The following BBS9 variants were observed in gnomAD, a reference collection of about 807,000 sequenced individuals.
BBS9 encodes protein PTHB1.
Under a neutral mutation model 117.7 loss-of-function variants are expected in BBS9, and 89 were observed. The ratio of observed to expected loss-of-function variants is 0.76; its 90% CI spans 0.64 to 0.90. The LOEUF is 0.90. BBS9 is among the 40% of genes least tolerant of loss of function. The pLI is 0.00. For missense variants in BBS9, 982 were observed against 1,042.2 expected (o/e 0.94, Z 0.80); for synonymous variants, 379 against 370.9 (o/e 1.02, Z -0.25).
At chr7:33,628,343 A>G (rs1366475373) in intron 21 of BBS9, among the ~76,000 whole-genome samples, 1 of 152,248 alleles carries the variant, frequency 6.6e-6, no homozygotes, top group Non-Finnish European at 1.5e-5. Context: ...TGAAAAGGAT[A>G]ACACATCATA....
At chr7:33,394,849 T>C (rs1827674733) in intron 19 of BBS9, among the ~76,000 whole-genome samples, 1 of 152,208 alleles carries the variant, frequency 6.6e-6, no homozygotes, top group Non-Finnish European at 1.5e-5. Context: ...CTTCATTTAA[T>C]ACTTAGAATC....
chr7:33,306,847 A>G (rs1453964546), intron 9 of BBS9, among the ~76,000 whole-genome samples: 1 of 152,184 alleles, frequency 6.6e-6, no homozygotes, highest in Non-Finnish European at 1.5e-5. Flanking sequence ...CTTCAAATTT[A>G]GTATCCCTGT....
At chr7:33,160,688 A>G (rs77345140) in intron 4 of BBS9, among the ~76,000 whole-genome samples, 1,538 of 152,228 alleles carry the variant, frequency 0.01, 29 homozygotes, top group African/African-American at 0.035. Context: ...CCAAGAGTGG[A>G]GGGGCCCTTT....
intron 19 of BBS9, among the ~76,000 whole-genome samples, chr7:33,448,947 G>A (rs921187798): frequency 2.0e-5 from 3 of 152,206 alleles, no homozygotes; most frequent in African/African-American, 7.2e-5. Flanking sequence ...ACAAGAGTAG[G>A]TATTATTACC....
Position 33,242,907 on chromosome 7 carries a change from G to T in BBS9, c.443-14329G>T, listed in dbSNP as rs61176328. The T allele has an allele frequency of 2.3e-5, 12 of 517,830 alleles. No homozygotes were observed. In the East Asian group the frequency reaches 3.3e-4, roughly 14 times the overall value. The allele number at this position is 517,830 out of a possible 1,614,324, so 32.1% of individuals were successfully genotyped here. On this transcript the variant is annotated intron_variant, in intron 5 of 22. Coordinates refer to ENST00000242067, the MANE Select transcript of BBS9 (RefSeq NM_198428.3). ...AGAAACAGTAGGAAGGTTAGAAGAC[G>T]TAGTGTTGAGTTCTGGCCCTGCTAC...
intron 21 of BBS9, among the ~76,000 whole-genome samples, chr7:33,574,416 A>G (rs1858364888): frequency 1.3e-5 from 2 of 152,060 alleles, no homozygotes; most frequent in South Asian, 4.1e-4. Context: ...CAGTCATCCA[A>G]CAAGGTAGAG....
chr7:33,537,975 A>G lies in BBS9; in HGVS notation c.2521+3799A>G, dbSNP rs139628503. Reference sequence around the variant, plus strand: ...TAGGTGATGCTTTGCCTAAGAAATAATATAGATAAGTGACGGCCCATCAGA... The same window carrying G: ...TAGGTGATGCTTTGCCTAAGAAATAGTATAGATAAGTGACGGCCCATCAGA... On this transcript the variant is annotated intron_variant, in intron 21 of 22. Transcript: ENST00000242067. Among the ~76,000 whole-genome samples the G allele has an allele frequency of 7.0e-4, 106 of 152,322 alleles. 4 individuals are homozygous for G. In the East Asian group the frequency reaches 0.012, roughly 17 times the overall value.
chr7:33,358,412 T>C (rs1038795413), intron 16 of BBS9, among the ~76,000 whole-genome samples: 2 of 151,872 alleles, frequency 1.3e-5, no homozygotes, highest in Non-Finnish European at 3.0e-5. Flanking sequence ...TATATTCTTA[T>C]GTCTCTGAAA....
rs1464673021 is a variant in BBS9 at position 33,211,483 on chromosome 7, G to C, written c.442+33892G>C. Among the ~76,000 whole-genome samples, 20 of 93,430 alleles carry C rather than the reference G, an allele frequency of 2.1e-4. 1 individual carries two copies. 61.3% of individuals were successfully genotyped at this position (93,430 alleles called of 152,430 possible). A position where few individuals can be genotyped will look rare whatever the true frequency, so the allele number is the denominator to read the frequency against. ...TAACTTCATTCCCCTGCTTTTTTTT[G>C]TTTATTTTTGATTGTTATTATCCCC... On this transcript the variant is annotated intron_variant, in intron 5 of 22. Coordinates refer to ENST00000242067, the MANE Select transcript of BBS9 (RefSeq NM_198428.3).
chr7:33,404,937 A>G (rs1829642085), intron 19 of BBS9, among the ~76,000 whole-genome samples: 1 of 152,030 alleles, frequency 6.6e-6, no homozygotes, highest in Non-Finnish European at 1.5e-5. Flanking sequence ...TTCAAAGGGA[A>G]TGCTTCCAGT....
chr7:33,131,597 A>G (rs1357264648), intron 1 of BBS9, among the ~76,000 whole-genome samples: 21 of 152,184 alleles, frequency 1.4e-4, no homozygotes, highest in Non-Finnish European at 3.1e-4. Flanking sequence ...AGCTCTGAAA[A>G]TGAACAACAG....
intron 21 of BBS9, among the ~76,000 whole-genome samples, chr7:33,574,355 G>A (rs1858354822): frequency 6.6e-6 from 1 of 152,026 alleles, no homozygotes; most frequent in Non-Finnish European, 1.5e-5. Flanking sequence ...TGCTTACTAT[G>A]TGCTGGCCAC....
intron 21 of BBS9, among the ~76,000 whole-genome samples, chr7:33,563,326 G>A (rs568664955): frequency 1.2e-3 from 183 of 152,218 alleles, no homozygotes; most frequent in African/African-American, 3.7e-3. Flanking sequence ...CTGGAAATGG[G>A]TTTATTGTTA....
intron 9 of BBS9, among the ~76,000 whole-genome samples, chr7:33,334,869 T>A (rs1193348551): frequency 6.6e-6 from 1 of 152,190 alleles, no homozygotes; most frequent in African/African-American, 2.4e-5. Context: ...GTTGAACCAG[T>A]GACAACAATC....
chr7:33,514,963 A>G (rs1847520856), intron 20 of BBS9, among the ~76,000 whole-genome samples: 1 of 152,166 alleles, frequency 6.6e-6, no homozygotes, highest in African/African-American at 2.4e-5. Flanking sequence ...ATACATCTTA[A>G]GGCTTTGTAA....
intron 5 of BBS9, among the ~76,000 whole-genome samples, chr7:33,187,847 A>G (rs1454209196): frequency 2.6e-5 from 4 of 151,988 alleles, no homozygotes; most frequent in African/African-American, 7.3e-5. Context: ...GCTTGAACCC[A>G]GGAGGCGGAG....
At chr7:33,411,353 C>T (rs942833886) in intron 19 of BBS9, among the ~76,000 whole-genome samples, 1 of 152,008 alleles carries the variant, frequency 6.6e-6, no homozygotes, top group Non-Finnish European at 1.5e-5. Flanking sequence ...TAAAATATTT[C>T]TTGACAAGGT....
intron 10 of BBS9, 82 bp from the exon 11 acceptor site, chr7:33,340,815 G>T (rs776213502): frequency 1.9e-5 from 23 of 1,184,540 alleles, no homozygotes; most frequent in Admixed American, 3.9e-5. Flanking sequence ...TTTATATGTG[G>T]TATAGACAAA....
In BBS9 at chr7:33,562,781, G is replaced by T. The variant is rs1047727907; in HGVS notation, c.2521+28605G>T. 2.0e-5 allele frequency among the ~76,000 whole-genome samples: 3 copies of T among 152,002 alleles called. No homozygotes were observed. In the East Asian group the frequency reaches 5.8e-4, roughly 29 times the overall value. ...TCTACTAAAAATACAAAAATTAGCC[G>T]GGCATGGTGGCACGCGCCTGTAGTC... On this transcript the variant is annotated intron_variant, in intron 21 of 22. Coordinates refer to ENST00000242067, the MANE Select transcript of BBS9 (RefSeq NM_198428.3).
Sources: gnomAD v4.1 joint callset for allele counts (sites outside exome capture counted in the v4.1 genomes callset) on GRCh38, gnomAD v4.1.1 for gene constraint, MANE v1.5 for transcripts, NCBI Gene and HGNC (gene_info 2026-07-23, HGNC 2026-07-21) for gene names.